GNE: variants seen among roughly 807,000 people sequenced by gnomAD.
The protein encoded by GNE is bifunctional UDP-N-acetylglucosamine 2-epimerase/N-acetylmannosamine kinase.
Under a neutral mutation model 61.8 loss-of-function variants are expected in GNE, and 41 were observed. The observed-to-expected ratio is 0.66, with a 90% confidence interval of 0.52 to 0.86. GNE has a LOEUF of 0.86. Ranked by LOEUF, GNE falls within the 40% of genes least tolerant of loss-of-function variation. The pLI is 0.00. For missense variants in GNE, 608 were observed against 909.1 expected (o/e 0.67, Z 4.26); for synonymous variants, 264 against 326.4 (o/e 0.81, Z 2.06).
intron 2 of GNE, among the ~76,000 whole-genome samples, chr9:36,248,808 C>G (rs1400291632): frequency 1.3e-5 from 2 of 152,140 alleles, no homozygotes; most frequent in African/African-American, 4.8e-5. Context: ...ATTGCCATTA[C>G]AGCTCACAAA....
chr9:36,236,723 G>C lies in GNE; in HGVS notation c.769+109C>G, dbSNP rs961317931. 4 of 936,018 alleles carry C rather than the reference G, an allele frequency of 4.3e-6. No homozygotes were observed. In the African/African-American group the frequency reaches 6.5e-5, roughly 15 times the overall value. The allele number at this position is 936,018 out of a possible 1,614,324, so 58.0% of individuals were successfully genotyped here. A position where few individuals can be genotyped will look rare whatever the true frequency, so the allele number is the denominator to read the frequency against. On this transcript the variant is annotated intron_variant, in intron 4 of 11. Coordinates refer to ENST00000642385, the MANE Select transcript of GNE (RefSeq NM_005476.7). ...AAATTGGAATGCATTTCAGAATAGA[G>C]TGCCCTTCAATGATAAGATGAGCAA... is the stretch of plus-strand genomic sequence containing the variant.
At chr9:36,261,153 CATTGGGT>C (rs1830604641), upstream of GNE, among the ~76,000 whole-genome samples, 1 of 152,162 alleles carries the variant, frequency 6.6e-6, no homozygotes, top group Non-Finnish European at 1.5e-5. Flanking sequence ...CCGGTGATTA[CATTGGGT>C]CCACTCAATA....
At position 36,241,438 on chromosome 9, in the gene GNE, T is replaced by A. The variant is rs181461943; in HGVS notation, c.617-4454A>T. Among the ~76,000 whole-genome samples, 934 of 152,260 alleles carry A rather than the reference T, an allele frequency of 6.1e-3. 11 individuals carry two copies. The highest frequency in any genetic ancestry group is 0.021 in the African/African-American group (857 of 41,550). ...CAACAGTTTCTTTATGAAAGAAGGA[T>A]GGCAAAGTAGCAAAAACTAGAAGTC... On this transcript the variant is annotated intron_variant, in intron 3 of 11. Transcript: ENST00000642385.
intron 1 of GNE, among the ~76,000 whole-genome samples, chr9:36,257,260 C>G (rs1227775072): frequency 6.6e-6 from 1 of 152,074 alleles, no homozygotes; most frequent in African/African-American, 2.4e-5. Context: ...AAATCTTCCT[C>G]GAAAACATGA....
intron 6 of GNE, among the ~76,000 whole-genome samples, chr9:36,228,520 C>T (rs1828994660): frequency 6.6e-6 from 1 of 152,190 alleles, no homozygotes. Context: ...AGGCTGGGCG[C>T]AGTGACTCAC....
chr9:36,251,930 C>T (rs1030893869), intron 1 of GNE, among the ~76,000 whole-genome samples: 19 of 151,788 alleles, frequency 1.3e-4, no homozygotes, highest in South Asian at 2.1e-4. Flanking sequence ...TACAATATAA[C>T]GAAACGGGCA....
At chr9:36,252,379 G>C (rs774667109) in intron 1 of GNE, among the ~76,000 whole-genome samples, 2 of 152,120 alleles carry the variant, frequency 1.3e-5, no homozygotes, top group Non-Finnish European at 2.9e-5. Flanking sequence ...GATCAAATTT[G>C]AGCTGAAAAA....
chr9:36,246,543 C>T, intron 2 of GNE, 61 bp from the exon 3 acceptor site: 3 of 1,140,196 alleles, frequency 2.6e-6, no homozygotes, highest in Non-Finnish European at 3.9e-6. Context: ...CCGTAACATG[C>T]AAGAAAAGCA....
intron 7 of GNE, among the ~76,000 whole-genome samples, chr9:36,226,673 A>AT (rs1828877801): frequency 6.6e-6 from 1 of 152,242 alleles, no homozygotes; most frequent in South Asian, 2.1e-4. Context: ...TCAAACCAAG[A>AT]TTTTTCTAGT....
At chr9:36,242,732 GTTTTTT>G (rs34441447) in intron 3 of GNE, among the ~76,000 whole-genome samples, 1 of 95,992 alleles carries the variant, frequency 1.0e-5, no homozygotes, top group Admixed American at 1.2e-4. Context: ...TTTTATGCTT[GTTTTTT>G]TTTTTTTTTT....
chr9:36,219,559 C>T (rs1202550312), intron 10 of GNE, among the ~76,000 whole-genome samples: 1 of 152,100 alleles, frequency 6.6e-6, no homozygotes, highest in African/African-American at 2.4e-5. Context: ...ATTAAGTACC[C>T]TCCCTGTGAT....
intron 7 of GNE, among the ~76,000 whole-genome samples, chr9:36,226,240 T>C (rs1488659828): frequency 6.6e-6 from 1 of 152,202 alleles, no homozygotes; most frequent in Non-Finnish European, 1.5e-5. Flanking sequence ...TGGTGCGATC[T>C]TGGCTCACTG....
chr9:36,275,853 G>T (rs1831242529), intron 1 of GNE, among the ~76,000 whole-genome samples: 1 of 152,168 alleles, frequency 6.6e-6, no homozygotes, highest in Non-Finnish European at 1.5e-5. Context: ...GGCAATAATT[G>T]CAGGAATAAT....
chr9:36,224,397 G>A (rs1217244447), intron 7 of GNE, among the ~76,000 whole-genome samples: 2 of 152,058 alleles, frequency 1.3e-5, no homozygotes, highest in African/African-American at 2.4e-5. Flanking sequence ...TCACGCCACT[G>A]CACTCCAGCC....
rs371385020 is a variant in GNE, at chr9:36,256,169, C to T, written c.-43+2152G>A. 3.8e-4 allele frequency among the ~76,000 whole-genome samples: 58 copies of T among 151,414 alleles called. No individual in the cohort carries two copies. In the East Asian group the frequency reaches 8.7e-3, roughly 23 times the overall value. On this transcript the variant is annotated intron_variant, in intron 1 of 11. Coordinates refer to ENST00000642385, the MANE Select transcript of GNE (RefSeq NM_005476.7). ...CTCGATCTCCTGACCTCAGGTGATC[C>T]GCCGCCTGGCCTCCCAAAGTGCTTG... is the stretch of plus-strand genomic sequence containing the variant.
At chr9:36,266,493 G>A (rs1237404425) in intron 1 of GNE, among the ~76,000 whole-genome samples, 1 of 152,232 alleles carries the variant, frequency 6.6e-6, no homozygotes, top group East Asian at 1.9e-4. Flanking sequence ...ATTGGCTGAG[G>A]CCAGGAGTAG....
intron 1 of GNE, among the ~76,000 whole-genome samples, chr9:36,256,407 G>C (rs1439061676): frequency 6.7e-6 from 1 of 149,292 alleles, no homozygotes; most frequent in African/African-American, 2.5e-5. Flanking sequence ...ACCACATCGA[G>C]CTAATTTTTG....
chr9:36,222,934 G>A lies in GNE; in HGVS notation c.1476C>T (p.Ile492=). Residue 492 remains isoleucine, a synonymous_variant, in exon 9 of 12, where the codon ATC becomes ATT. Coordinates refer to ENST00000642385, the MANE Select transcript of GNE (RefSeq NM_005476.7). ...TAAGGTCCACAGAGTTCCACTCTTG[G>A]ATCAGTTTGGTTGAATGCAGCACAA... The part of the protein sequence containing the change: ...EGIVLHSTKL[I]QEWNSVDLRT... 6.2e-7 allele frequency: 1 copy of A among 1,614,146 alleles called. No homozygotes were observed. Among genetic ancestry groups the A allele is most frequent in the Non-Finnish European group, 8.5e-7 (1 of 1,180,032 alleles).
chr9:36,269,395 A>G (rs535710986), intron 1 of GNE, among the ~76,000 whole-genome samples: 1 of 151,260 alleles, frequency 6.6e-6, no homozygotes, highest in Non-Finnish European at 1.5e-5. Flanking sequence ...CCTAGGATAC[A>G]TACTCCAGCC....
Sources: gnomAD v4.1 joint callset for allele counts (sites outside exome capture counted in the v4.1 genomes callset) on GRCh38, gnomAD v4.1.1 for gene constraint, MANE v1.5 for transcripts, NCBI Gene and HGNC (gene_info 2026-07-23, HGNC 2026-07-21) for gene names.